Variants in OR2L13 observed in about 807,000 individuals in gnomAD.
The protein encoded by OR2L13 is olfactory receptor 2L13.
In OR2L13, 14 loss-of-function variants were observed where a neutral mutation model predicts 15.3. That is an observed-to-expected ratio of 0.91 (90% CI 0.60 to 1.43). OR2L13 has a LOEUF of 1.43. Among genes scored for constraint, OR2L13 ranks in the 40% most tolerant of loss-of-function variants. OR2L13 has a pLI of 0.00. For missense variants in OR2L13, 367 were observed against 387.9 expected, an observed-to-expected ratio of 0.95 and a Z score of 0.45; for synonymous variants, 152 against 142.9, an observed-to-expected ratio of 1.06 and a Z score of -0.45.
At chr1:248,060,416 G>T in the OR2L13 span, among the ~76,000 whole-genome samples, 1 of 152,100 alleles carries the variant, frequency 6.6e-6, no homozygotes, top group African/African-American at 2.4e-5. Flanking sequence ...AGACCATATT[G>T]ACATAATTTG....
chr1:247,945,816 A>AC, the OR2L13 span, among the ~76,000 whole-genome samples: 3 of 152,062 alleles, frequency 2.0e-5, no homozygotes, highest in African/African-American at 7.2e-5. Context: ...TAGGATTGCT[A>AC]CCCCTGCTTT....
the OR2L13 span, among the ~76,000 whole-genome samples, chr1:248,005,050 G>A: frequency 6.6e-6 from 1 of 152,070 alleles, no homozygotes; most frequent in Non-Finnish European, 1.5e-5. Flanking sequence ...AAGTGGGGAT[G>A]GTTAACAGTT....
the OR2L13 span, among the ~76,000 whole-genome samples, chr1:247,985,737 A>G: frequency 1 from 151,004 of 151,062 alleles, 75,473 homozygotes; most frequent in Middle Eastern, 1. Context: ...CAGTGTAAAA[A>G]TGTTTCTATT....
chr1:248,003,297 C>T, the OR2L13 span: 1 of 1,581,560 alleles, frequency 6.3e-7, no homozygotes, highest in Admixed American at 1.7e-5. Flanking sequence ...CATCTCCACA[C>T]ACCCATGTGT....
the OR2L13 span, among the ~76,000 whole-genome samples, chr1:247,946,812 G>T: frequency 6.6e-6 from 1 of 151,958 alleles, no homozygotes; most frequent in Non-Finnish European, 1.5e-5. Context: ...CTGCAATGAG[G>T]GGTTGACAAC....
At chr1:247,953,175 G>A in the OR2L13 span, among the ~76,000 whole-genome samples, 22 of 152,142 alleles carry the variant, frequency 1.4e-4, no homozygotes, top group African/African-American at 5.1e-4. Context: ...AAAGTTGGAC[G>A]ATAATTCCTC....
chr1:248,027,984 C>CA, the OR2L13 span, among the ~76,000 whole-genome samples: 1 of 151,172 alleles, frequency 6.6e-6, no homozygotes, highest in African/African-American at 2.4e-5. Flanking sequence ...ACTAAAAATA[C>CA]AAAAAAATTA....
chr1:247,975,462 A>T, the OR2L13 span: 1 of 782,588 alleles, frequency 1.3e-6, no homozygotes, highest in Non-Finnish European at 2.3e-6. Flanking sequence ...TCACTGTAGT[A>T]ATTTTCTACT....
the OR2L13 span, among the ~76,000 whole-genome samples, chr1:248,010,760 G>GTTCTTTTTTTT: frequency 3.2e-5 from 1 of 31,068 alleles, no homozygotes; most frequent in Non-Finnish European, 7.0e-5. Flanking sequence ...CTGCTTTGTT[G>GTTCTTTTTTTT]TTGTTTTTTT....
the OR2L13 span, among the ~76,000 whole-genome samples, chr1:248,046,307 T>A: frequency 1.1e-4 from 16 of 152,298 alleles, no homozygotes; most frequent in East Asian, 2.9e-3. Context: ...TTTTAATAAT[T>A]TCTACTTATG....
the OR2L13 span, among the ~76,000 whole-genome samples, chr1:248,008,942 GTAAAT>G: frequency 6.6e-6 from 1 of 152,188 alleles, no homozygotes; most frequent in African/African-American, 2.4e-5. Flanking sequence ...TGACTATTGG[GTAAAT>G]AATGAAATTA....
At chr1:247,958,156 G>A in the OR2L13 span, among the ~76,000 whole-genome samples, 2 of 151,982 alleles carry the variant, frequency 1.3e-5, no homozygotes, top group Non-Finnish European at 2.9e-5. Flanking sequence ...TGTTCTTGTT[G>A]GTTTCAAAGA....
the OR2L13 span, chr1:247,991,332 T>C: frequency 1.6e-6 from 1 of 631,760 alleles, no homozygotes; most frequent in Middle Eastern, 2.8e-4. Context: ...ATTTGTATTT[T>C]AATTTAGTCT....
the OR2L13 span, among the ~76,000 whole-genome samples, chr1:248,025,524 T>G: frequency 2.0e-5 from 3 of 149,652 alleles, no homozygotes; most frequent in Admixed American, 2.0e-4. Context: ...GTTCAACCCT[T>G]GTGGAAGTCA....
chr1:247,984,015 C>T, the OR2L13 span, among the ~76,000 whole-genome samples: 2 of 152,006 alleles, frequency 1.3e-5, no homozygotes, highest in Non-Finnish European at 2.9e-5. Flanking sequence ...GGCACCATCG[C>T]AGGCAGAGCT....
the OR2L13 span, among the ~76,000 whole-genome samples, chr1:248,069,938 A>T: frequency 3.8e-4 from 58 of 152,272 alleles, no homozygotes; most frequent in African/African-American, 1.3e-3. Context: ...TCCTAAATAT[A>T]TATGCACCCA....
chr1:247,948,989 G>T, the OR2L13 span: 8 of 1,613,836 alleles, frequency 5.0e-6, no homozygotes, highest in Non-Finnish European at 6.8e-6. Flanking sequence ...ACCTGTCCAT[G>T]ATTCTTCTCA....
chr1:248,053,390 T>C, the OR2L13 span, among the ~76,000 whole-genome samples: 2 of 152,208 alleles, frequency 1.3e-5, no homozygotes. Flanking sequence ...GTTTTTGCTA[T>C]TGTGGATAGT....
At chr1:247,988,624 A>G in the OR2L13 span, among the ~76,000 whole-genome samples, 2 of 151,926 alleles carry the variant, frequency 1.3e-5, no homozygotes. Flanking sequence ...ACATTGTTAC[A>G]CTTCCTCAAA....
Sources: allele counts gnomAD v4.1 joint callset (sites outside exome capture counted in the v4.1 genomes callset), GRCh38; gene constraint gnomAD v4.1.1; transcripts MANE v1.5; gene names NCBI Gene and HGNC (gene_info 2026-07-23, HGNC 2026-07-21).